Variants in HDAC9 observed in about 807,000 individuals in gnomAD.
HDAC9 encodes the protein MEF-2 interacting transcription repressor (MITR) protein.
In HDAC9, 41 loss-of-function variants were observed where a neutral mutation model predicts 139.4. That is an observed-to-expected ratio of 0.29 (90% CI 0.23 to 0.38). The LOEUF (loss-of-function observed/expected upper bound fraction) is 0.38, where lower values mean the gene tolerates loss of function less well. Ranked by LOEUF, HDAC9 falls within the 10% of genes least tolerant of loss-of-function variation. The pLI is 1.00. For missense variants in HDAC9, 1,147 were observed against 1,297.0 expected, an observed-to-expected ratio of 0.88 and a Z score of 1.78; for synonymous variants, 517 against 476.2, an observed-to-expected ratio of 1.09 and a Z score of -1.12.
intron 6 of HDAC9, among the ~76,000 whole-genome samples, chr7:18,617,810 A>G (rs1839073999): frequency 6.6e-6 from 1 of 152,208 alleles, no homozygotes; most frequent in South Asian, 2.1e-4. Context: ...TATATGCACT[A>G]AAATAGGAAC....
chr7:18,992,395 A>C (rs948683317), intron 25 of HDAC9, among the ~76,000 whole-genome samples: 30 of 152,260 alleles, frequency 2.0e-4, no homozygotes, highest in African/African-American at 7.0e-4. Context: ...AAAATTATGC[A>C]CATGTGTATA....
intron 12 of HDAC9, chr7:18,668,633 A>G: frequency 1.1e-5 from 11 of 983,748 alleles, no homozygotes; most frequent in Non-Finnish European, 1.3e-5. Flanking sequence ...TAATCAAGAA[A>G]CTACCTGGAA....
At chr7:18,678,119 T>TCAATATATTAAAG (rs946174955) in intron 12 of HDAC9, among the ~76,000 whole-genome samples, 4 of 151,948 alleles carry the variant, frequency 2.6e-5, no homozygotes, top group African/African-American at 9.7e-5. Flanking sequence ...ATATAAATGT[T>TCAATATATTAAAG]AGCAGATTTC....
chr7:18,915,399 A>G (rs1340030350), intron 22 of HDAC9, among the ~76,000 whole-genome samples: 1 of 151,950 alleles, frequency 6.6e-6, no homozygotes, highest in Admixed American at 6.6e-5. Flanking sequence ...TTGTTTTCAG[A>G]AAACCGCAAC....
intron 21 of HDAC9, among the ~76,000 whole-genome samples, chr7:18,837,238 T>TTTGAATC (rs1393766819): frequency 6.6e-6 from 1 of 151,930 alleles, no homozygotes; most frequent in Non-Finnish European, 1.5e-5. Context: ...ATCCACAATG[T>TTTGAATC]TGTAGAAAAA....
At chr7:18,779,433 A>G (rs2129169932) in intron 16 of HDAC9, among the ~76,000 whole-genome samples, 1 of 152,168 alleles carries the variant, frequency 6.6e-6, no homozygotes, top group South Asian at 2.1e-4. Flanking sequence ...CATGATTCTC[A>G]TTATTATCCC....
rs1792998723 is a variant in HDAC9, at chr7:18,798,496, C to T, written c.2322+5044C>T. 2.6e-5 allele frequency among the ~76,000 whole-genome samples: 4 copies of T among 152,266 alleles called. No individual in the cohort carries two copies. The South Asian group carries it at 8.3e-4, about 31-fold the overall frequency. ...CCATGGTAGCCTTACCAAATCACAG[C>T]CTGCATTCTTAGCATAAACTAGTAA... On this transcript the variant is annotated intron_variant, in intron 17 of 25. Transcript: ENST00000686413.
chr7:18,727,131 T>C (rs1285964026), intron 12 of HDAC9, among the ~76,000 whole-genome samples: 4 of 152,214 alleles, frequency 2.6e-5, no homozygotes, highest in East Asian at 1.9e-4. Context: ...TCATAAACAA[T>C]ATTCACTGAA....
intron 1 of HDAC9, among the ~76,000 whole-genome samples, chr7:18,440,675 A>G (rs1791673427): frequency 2.0e-5 from 3 of 152,068 alleles, no homozygotes; most frequent in South Asian, 2.1e-4. Flanking sequence ...CATTACCCTT[A>G]TCGATTATAT....
intron 19 of HDAC9, among the ~76,000 whole-genome samples, chr7:18,835,151 C>A (rs1034841629): frequency 6.6e-6 from 1 of 152,096 alleles, no homozygotes; most frequent in African/African-American, 2.4e-5. Flanking sequence ...GTATAAATAT[C>A]TAATTGTACC....
At chr7:18,649,672 T>A (rs1447456325) in intron 11 of HDAC9, among the ~76,000 whole-genome samples, 1 of 152,144 alleles carries the variant, frequency 6.6e-6, no homozygotes, top group Non-Finnish European at 1.5e-5. Flanking sequence ...CTTAATCATC[T>A]TTCTAACGGC....
intron 11 of HDAC9, among the ~76,000 whole-genome samples, chr7:18,665,727 G>C (rs1418729807): frequency 2.0e-5 from 3 of 151,934 alleles, no homozygotes; most frequent in Non-Finnish European, 2.9e-5. Context: ...TCTCTGTATA[G>C]GTACAAGAAA....
intron 17 of HDAC9, among the ~76,000 whole-genome samples, chr7:18,794,244 G>A (rs1005993840): frequency 2.0e-5 from 3 of 152,094 alleles, no homozygotes; most frequent in Admixed American, 1.3e-4. Flanking sequence ...TGATTGATTC[G>A]GTATTTTTAG....
At chr7:18,954,309 A>C in intron 24 of HDAC9, 79 bp downstream of exon 24, 3 of 1,018,476 alleles carry the variant, frequency 2.9e-6, no homozygotes, top group Non-Finnish European at 4.4e-6. Context: ...AGTACAAAGA[A>C]ACATTTATTT....
intron 2 of HDAC9, among the ~76,000 whole-genome samples, chr7:18,265,353 C>A (rs565906897): frequency 3.3e-5 from 5 of 152,264 alleles, no homozygotes; most frequent in African/African-American, 1.2e-4. Flanking sequence ...TAGCTATCTG[C>A]TCATGCTGTT....
intron 21 of HDAC9, among the ~76,000 whole-genome samples, chr7:18,851,188 C>G (rs780757377): frequency 7.9e-5 from 12 of 152,172 alleles, no homozygotes; most frequent in African/African-American, 1.2e-4. Context: ...TCTATTCGCT[C>G]TACTTTCTTG....
intron 23 of HDAC9, chr7:18,949,186 G>A (rs757334564): frequency 7.5e-6 from 2 of 265,152 alleles, no homozygotes; most frequent in Non-Finnish European, 1.5e-5. Context: ...ATTTTGGCTG[G>A]AGTATCTTAT....
intron 21 of HDAC9, among the ~76,000 whole-genome samples, chr7:18,865,174 A>T (rs941681322): frequency 6.6e-6 from 1 of 152,190 alleles, no homozygotes; most frequent in Non-Finnish European, 1.5e-5. Context: ...AAGAGGTAGT[A>T]TGGGCCCCTC....
chr7:18,657,995 G>A (rs1056641247), intron 11 of HDAC9, among the ~76,000 whole-genome samples: 4 of 151,320 alleles, frequency 2.6e-5, no homozygotes, highest in South Asian at 2.1e-4. Context: ...CAGGAGCTGC[G>A]CCAGCCACTA....
Sources: allele counts gnomAD v4.1 joint callset (sites outside exome capture counted in the v4.1 genomes callset), GRCh38; gene constraint gnomAD v4.1.1; transcripts MANE v1.5; gene names NCBI Gene and HGNC (gene_info 2026-07-23, HGNC 2026-07-21).